The following FRMD5 variants were observed in gnomAD, a reference collection of about 807,000 sequenced individuals.
FRMD5 encodes the protein FERM domain-containing protein 5.
FRMD5 carries 20 observed loss-of-function variants against 69.0 expected under a neutral mutation model. That is an observed-to-expected ratio of 0.29 (90% CI 0.20 to 0.42). The LOEUF (loss-of-function observed/expected upper bound fraction) is 0.42, where lower values mean the gene tolerates loss of function less well. Among genes scored for constraint, FRMD5 ranks in the 10% least tolerant of loss-of-function variants. The pLI, the probability that FRMD5 is intolerant of heterozygous loss-of-function variation, is 1.00. For missense variants in FRMD5, 595 were observed against 708.6 expected (o/e 0.84, Z 1.82); for synonymous variants, 271 against 260.1 (o/e 1.04, Z -0.40).
intron 6 of FRMD5, 68 bp from the exon 7 acceptor site, chr15:43,902,330 C>A: frequency 7.7e-7 from 1 of 1,292,304 alleles, no homozygotes; most frequent in Non-Finnish European, 1.1e-6. Flanking sequence ...GGTAAACTCT[C>A]TATGAAGATG....
intron 1 of FRMD5, chr15:44,063,559 C>G: frequency 1.9e-6 from 1 of 519,880 alleles, no homozygotes. Context: ...TACTGGTCAC[C>G]TGGTCACCAG....
chr15:44,092,029 C>T lies in FRMD5; in HGVS notation c.102+102924G>A, dbSNP rs117552972. Among the ~76,000 whole-genome samples, 607 of 152,228 alleles carry T rather than the reference C, an allele frequency of 4.0e-3. 2 individuals carry two copies. The highest frequency in any genetic ancestry group is 5.8e-3 in the Non-Finnish European group (392 of 68,004). ...GACTTTGAAGTATTTAAGTTTAATGCTCCCGATTTTTAATTTAAAAAGCAA... is the reference window on the plus strand; with the variant it reads ...GACTTTGAAGTATTTAAGTTTAATGTTCCCGATTTTTAATTTAAAAAGCAA... On this transcript the variant is annotated intron_variant, in intron 1 of 13. Coordinates refer to ENST00000417257, the MANE Select transcript of FRMD5 (RefSeq NM_032892.5).
intron 1 of FRMD5, among the ~76,000 whole-genome samples, chr15:44,007,348 T>A (rs188770300): frequency 5.9e-5 from 9 of 152,304 alleles, no homozygotes; most frequent in African/African-American, 1.9e-4. Context: ...ATTGCGGTGG[T>A]CTGGAACTGA....
intron 1 of FRMD5, among the ~76,000 whole-genome samples, chr15:43,981,464 G>A (rs2140622985): frequency 6.6e-6 from 1 of 152,342 alleles, no homozygotes; most frequent in Non-Finnish European, 1.5e-5. Context: ...ACTGTCTTGG[G>A]AGTAGCAGAG....
At chr15:44,109,811 C>T (rs2076772145) in intron 1 of FRMD5, among the ~76,000 whole-genome samples, 1 of 152,158 alleles carries the variant, frequency 6.6e-6, no homozygotes, top group African/African-American at 2.4e-5. Flanking sequence ...TACCTAAGTT[C>T]CCTCCTTCTT....
Position 43,871,353 on chromosome 15 carries a change from T to G in FRMD5, c.*2532A>C, listed in dbSNP as rs1250128482. ...AGAACTCTAGACACAAGGAACATACTAGGATATGGAATACTGCATCTGTCT... is the reference window on the plus strand; with the variant it reads ...AGAACTCTAGACACAAGGAACATACGAGGATATGGAATACTGCATCTGTCT... On this transcript the variant is annotated 3_prime_UTR_variant, in exon 14 of 14. Transcript: ENST00000417257. 6.6e-6 allele frequency: 1 copy of G among 152,216 alleles called. No individual in the cohort carries two copies. The highest frequency in any genetic ancestry group is 1.9e-4 in the East Asian group (1 of 5,208). The allele number at this position is 152,216 out of a possible 1,614,324, so 9.4% of individuals were successfully genotyped here.
At chr15:43,889,286 A>G (rs986638340) in intron 8 of FRMD5, among the ~76,000 whole-genome samples, 2 of 152,218 alleles carry the variant, frequency 1.3e-5, no homozygotes, top group African/African-American at 4.8e-5. Context: ...TACAGCAAAT[A>G]ATGAGAAACA....
intron 1 of FRMD5, among the ~76,000 whole-genome samples, chr15:44,065,434 G>C (rs1271513812): frequency 6.6e-6 from 1 of 152,122 alleles, no homozygotes; most frequent in Non-Finnish European, 1.5e-5. Context: ...AGACCTGAAA[G>C]TTAATAAAAC....
intron 1 of FRMD5, among the ~76,000 whole-genome samples, chr15:44,096,114 G>A (rs1483874333): frequency 6.8e-6 from 1 of 147,048 alleles, no homozygotes; most frequent in Non-Finnish European, 1.5e-5. Context: ...GCTGAGGCAG[G>A]AGAATCGCTT....
Position 44,195,064 on chromosome 15 carries a change from C to G in FRMD5, c.-10G>C, listed in dbSNP as rs1168386935. ...TCAACCTGCTCAGCATCTTCCCGCC[C>G]GCCCGCCCGGGAGCGACGCGGCGGC... On this transcript the variant is annotated 5_prime_UTR_variant, in exon 1 of 14. Coordinates refer to ENST00000417257, the MANE Select transcript of FRMD5 (RefSeq NM_032892.5). 2.6e-6 allele frequency: 4 copies of G among 1,515,234 alleles called. No individual in the cohort carries two copies. The East Asian group carries it at 7.7e-5, about 29-fold the overall frequency. The allele number at this position is 1,515,234 out of a possible 1,614,324, so 93.9% of individuals were successfully genotyped here.
At chr15:43,914,038 G>A (rs1459322965) in intron 4 of FRMD5, among the ~76,000 whole-genome samples, 1 of 152,220 alleles carries the variant, frequency 6.6e-6, no homozygotes, top group East Asian at 1.9e-4. Context: ...TTGTTTGAAT[G>A]CTAGTGTTGT....
intron 1 of FRMD5, among the ~76,000 whole-genome samples, chr15:44,184,549 C>T (rs897186464): frequency 1.1e-4 from 17 of 152,186 alleles, no homozygotes; most frequent in Non-Finnish European, 1.9e-4. Flanking sequence ...TAATACCTCT[C>T]ACTACCAAGA....
At chr15:43,916,656 A>C (rs2089392987) in intron 4 of FRMD5, among the ~76,000 whole-genome samples, 1 of 152,180 alleles carries the variant, frequency 6.6e-6, no homozygotes. Context: ...TAAGTATCTT[A>C]TTTGGCTGTA....
intron 1 of FRMD5, among the ~76,000 whole-genome samples, chr15:44,005,665 A>T (rs748833039): frequency 6.6e-5 from 10 of 152,104 alleles, no homozygotes; most frequent in Non-Finnish European, 1.5e-4. Flanking sequence ...TGGCCGGAGC[A>T]CGAGGAAAAG....
chr15:44,110,361 T>TGCA (rs1320466937), intron 1 of FRMD5, among the ~76,000 whole-genome samples: 1 of 152,210 alleles, frequency 6.6e-6, no homozygotes, highest in Non-Finnish European at 1.5e-5. Flanking sequence ...CCCAGCTACG[T>TGCA]GCAGGCTTCT....
At chr15:43,974,561 G>A (rs934227980) in intron 1 of FRMD5, among the ~76,000 whole-genome samples, 1 of 152,010 alleles carries the variant, frequency 6.6e-6, no homozygotes, top group Non-Finnish European at 1.5e-5. Flanking sequence ...CTATACTCTG[G>A]CTTCTGTAAG....
intron 1 of FRMD5, among the ~76,000 whole-genome samples, chr15:44,181,829 G>C (rs144976162): frequency 9.9e-5 from 15 of 152,210 alleles, no homozygotes; most frequent in African/African-American, 3.4e-4. Flanking sequence ...CTTGAGCCCA[G>C]GAGTTCGAGG....
intron 1 of FRMD5, chr15:44,063,727 G>T: frequency 3.1e-6 from 1 of 326,806 alleles, no homozygotes; most frequent in East Asian, 9.2e-5. Context: ...CAATGGAAAT[G>T]CCATCATCAT....
Position 44,043,719 on chromosome 15 carries a change from C to T in FRMD5, c.103-119410G>A, listed in dbSNP as rs540499668. Among the ~76,000 whole-genome samples the T allele has an allele frequency of 5.3e-4, 80 of 152,188 alleles. 1 individual carries two copies. The highest frequency in any genetic ancestry group is 2.9e-3 in the Admixed American group (45 of 15,284). ...AATGGTGTTGGGAAAACTGGCTAGC[C>T]ATATGCAGAAAGCTGAAACTGGATC... On this transcript the variant is annotated intron_variant, in intron 1 of 13. Coordinates refer to ENST00000417257, the MANE Select transcript of FRMD5 (RefSeq NM_032892.5).
Sources: gnomAD v4.1 joint callset for allele counts (sites outside exome capture counted in the v4.1 genomes callset) on GRCh38, gnomAD v4.1.1 for gene constraint, MANE v1.5 for transcripts, NCBI Gene and HGNC (gene_info 2026-07-23, HGNC 2026-07-21) for gene names.